EEA1: variants seen among roughly 807,000 people sequenced by gnomAD.
EEA1 encodes the protein early endosome antigen 1.
EEA1 carries 111 observed loss-of-function variants against 209.2 expected under a neutral mutation model. That is an observed-to-expected ratio of 0.53 (90% CI 0.45 to 0.62). EEA1 has a LOEUF of 0.62. Ranked by LOEUF, EEA1 falls within the 20% of genes least tolerant of loss-of-function variation. The pLI, the probability that EEA1 is intolerant of heterozygous loss-of-function variation, is 0.00. For missense variants in EEA1, 1,343 were observed against 1,530.8 expected, an observed-to-expected ratio of 0.88 and a Z score of 2.05; for synonymous variants, 536 against 540.6, an observed-to-expected ratio of 0.99 and a Z score of 0.12.
At chr12:92,801,759 TTA>T in intron 19 of EEA1, 58 bp from the exon 20 acceptor site, 1 of 1,240,560 alleles carries the variant, frequency 8.1e-7, no homozygotes. Flanking sequence ...CTTAAGAAGT[TTA>T]GTTTATAACC....
intron 2 of EEA1, among the ~76,000 whole-genome samples, chr12:92,871,687 T>C (rs1425494822): frequency 6.6e-6 from 1 of 152,226 alleles, no homozygotes; most frequent in Non-Finnish European, 1.5e-5. Context: ...GGTGAAAATC[T>C]ATCCAAAGTA....
intron 5 of EEA1, among the ~76,000 whole-genome samples, 186 bp downstream of exon 5, chr12:92,857,088 CT>C (rs113120388): frequency 6.6e-6 from 1 of 151,892 alleles, no homozygotes. Flanking sequence ...AATGGAACAC[CT>C]TTTAAAAAAT....
chr12:92,814,846 C>G (rs148770359), intron 15 of EEA1, among the ~76,000 whole-genome samples: 1 of 152,290 alleles, frequency 6.6e-6, no homozygotes, highest in Non-Finnish European at 1.5e-5. Context: ...TATTATGGAA[C>G]TTTAAACTGA....
intron 1 of EEA1, among the ~76,000 whole-genome samples, chr12:92,898,318 C>T (rs1424989370): frequency 1.3e-5 from 2 of 152,102 alleles, no homozygotes. Context: ...CTTTAGGATT[C>T]TCAGAAGAAC....
Position 92,776,274 on chromosome 12 carries a change from A to G in EEA1, c.4114-141T>C, listed in dbSNP as rs534479704. ...GTATATTATTTAATGATATGTTTCAATATGTTAACTTAATCTCTGTTATAA... is the reference window on the plus strand; with the variant it reads ...GTATATTATTTAATGATATGTTTCAGTATGTTAACTTAATCTCTGTTATAA... On this transcript the variant is annotated intron_variant, in intron 28 of 28. Coordinates refer to ENST00000322349, the MANE Select transcript of EEA1 (RefSeq NM_003566.4). The G allele has an allele frequency of 8.1e-6, 6 of 745,218 alleles. No individual in the cohort carries two copies. The East Asian group carries it at 1.8e-4, about 22-fold the overall frequency. 46.2% of individuals were successfully genotyped at this position (745,218 alleles called of 1,614,324 possible).
chr12:92,821,337 G>A (rs1027306982), intron 13 of EEA1, among the ~76,000 whole-genome samples: 1 of 152,090 alleles, frequency 6.6e-6, no homozygotes, highest in Admixed American at 6.6e-5. Flanking sequence ...TGTCAGAGAC[G>A]TCAATTTCCT....
chr12:92,823,797 C>T (rs1276830615), intron 13 of EEA1, among the ~76,000 whole-genome samples: 1 of 152,166 alleles, frequency 6.6e-6, no homozygotes, highest in African/African-American at 2.4e-5. Context: ...TGAGAGACAA[C>T]CTGTCTGCAA....
chr12:92,857,284 C>T lies in EEA1; in HGVS notation c.357G>A (p.Leu119=). 2 of 1,585,292 alleles carry T rather than the reference C, an allele frequency of 1.3e-6. No homozygotes were observed. Among genetic ancestry groups the T allele is most frequent in the South Asian group, 1.2e-5 (1 of 84,446 alleles). ...AGTTAAAAGCAATTACTTGCTGCTG[C>T]AGCCCTTGATATTTTTCTAATTCCT... The part of the protein sequence containing the change: ...LKKELEKYQG[L]QQQEAKPDGL... The change falls in exon 5 of 29, where the codon CTG becomes CTA. Residue 119 remains leucine (L), a synonymous_variant. Transcript: ENST00000322349.
At chr12:92,869,129 C>T (rs1878522528) in intron 2 of EEA1, among the ~76,000 whole-genome samples, 1 of 152,118 alleles carries the variant, frequency 6.6e-6, no homozygotes, top group Non-Finnish European at 1.5e-5. Context: ...ACTTTGAAAA[C>T]CAATTTGATA....
intron 1 of EEA1, among the ~76,000 whole-genome samples, chr12:92,903,025 C>T (rs1402661311): frequency 6.6e-6 from 1 of 151,166 alleles, no homozygotes; most frequent in Non-Finnish European, 1.5e-5. Context: ...AGCTCCGCCT[C>T]CCGGGTTCAC....
At chr12:92,858,972 C>T (rs2136717011) in intron 3 of EEA1, 1 of 689,388 alleles carries the variant, frequency 1.5e-6, no homozygotes, top group South Asian at 1.7e-5. Flanking sequence ...GTTCAGCTGC[C>T]TATGCTGCTC....
intron 5 of EEA1, among the ~76,000 whole-genome samples, chr12:92,855,550 A>G (rs1216431180): frequency 1.3e-5 from 2 of 151,238 alleles, no homozygotes; most frequent in Non-Finnish European, 3.0e-5. Flanking sequence ...AACAGATTCC[A>G]TAAGGCTTAA....
At chr12:92,813,241 T>C in intron 15 of EEA1, 148 bp from the exon 16 acceptor site, 1 of 446,214 alleles carries the variant, frequency 2.2e-6, no homozygotes. Flanking sequence ...AAAATATGTA[T>C]GTGAAAATCG....
intron 13 of EEA1, 55 bp from the exon 14 acceptor site, chr12:92,819,566 C>G (rs1025852069): frequency 7.9e-7 from 1 of 1,260,068 alleles, no homozygotes; most frequent in Admixed American, 2.7e-5. Context: ...AAAGTTATTC[C>G]TCAAACATAA....
intron 22 of EEA1, among the ~76,000 whole-genome samples, chr12:92,783,102 T>C (rs1045968211): frequency 6.6e-6 from 1 of 152,250 alleles, no homozygotes; most frequent in Non-Finnish European, 1.5e-5. Context: ...GCAAACTAAC[T>C]GAACCCAAAG....
intron 1 of EEA1, among the ~76,000 whole-genome samples, chr12:92,914,972 T>C (rs918594630): frequency 2.6e-5 from 4 of 152,202 alleles, no homozygotes; most frequent in African/African-American, 9.6e-5. Flanking sequence ...CCAAGCTTTG[T>C]AAATTTACTT....
rs1422150672 is a variant in EEA1 at position 92,819,343 on chromosome 12, G to A, written c.1693C>T (p.Gln565Ter). 1 of 1,611,446 alleles carries A rather than the reference G, an allele frequency of 6.2e-7. No homozygotes were observed. Among genetic ancestry groups the A allele is most frequent in the Non-Finnish European group, 8.5e-7 (1 of 1,178,904 alleles). ...AGEGETAVLN[Q>*]LQEKNHTLQE... ...AGTGTATGGTTTTTTTCTTGTAACTGGTTAAGAACAGCAGTCTCTCCTTCA... is the reference window on the plus strand; with the variant it reads ...AGTGTATGGTTTTTTTCTTGTAACTAGTTAAGAACAGCAGTCTCTCCTTCA... Residue 565 changes from glutamine (Q) to a stop codon, truncating the protein, a stop_gained, in exon 14 of 29, where the codon CAG becomes TAG. Transcript: ENST00000322349. LOFTEE classifies it high-confidence loss of function.
At chr12:92,820,564 G>A (rs1390359018) in intron 13 of EEA1, among the ~76,000 whole-genome samples, 1 of 152,034 alleles carries the variant, frequency 6.6e-6, no homozygotes, top group South Asian at 2.1e-4. Context: ...TCACTCTGAG[G>A]GAGGGGAACA....
At chr12:92,879,216 T>TTG (rs386377389) in intron 2 of EEA1, 2 of 302,300 alleles carry the variant, frequency 6.6e-6, no homozygotes, top group African/African-American at 4.5e-5. Context: ...TTTTTTTTTT[T>TTG]TGTATTTTGG....
Sources: gnomAD v4.1 joint callset for allele counts (sites outside exome capture counted in the v4.1 genomes callset) on GRCh38, gnomAD v4.1.1 for gene constraint, MANE v1.5 for transcripts, NCBI Gene and HGNC (gene_info 2026-07-23, HGNC 2026-07-21) for gene names.